The following FANCC variants were observed in gnomAD, a reference collection of about 807,000 sequenced individuals.
FANCC encodes Fanconi anemia group C protein.
In FANCC, 55 loss-of-function variants were observed where a neutral mutation model predicts 71.3. The observed-to-expected ratio is 0.77, with a 90% CI of 0.62 to 0.97. The LOEUF is 0.97. FANCC is among the 50% of genes least tolerant of loss of function. FANCC has a pLI of 0.00. For missense variants in FANCC, 678 were observed against 670.9 expected (o/e 1.01, Z -0.12); for synonymous variants, 275 against 244.9 (o/e 1.12, Z -1.15).
rs527531665 is a variant in FANCC, at chr9:95,111,421, C to G, written c.1329+42G>C. ...TCTCTGCAAGCTCCTCTCAGCCCCC[C>G]AGAGCCCACCCCAAACACATGCAGT... On this transcript the variant is annotated intron_variant, in intron 13 of 14. Transcript: ENST00000289081. 400 of 1,601,964 alleles carry G rather than the reference C, an allele frequency of 2.5e-4. 8 individuals are homozygous for G. In the South Asian group the frequency reaches 4.2e-3, roughly 17 times the overall value.
Position 95,163,494 on chromosome 9 carries a change from G to A in FANCC, c.521+7585C>T, listed in dbSNP as rs1032721580. ...AATAAAAGAAAAACCAAACGCCACT[G>A]ACATTTTGATAGAAATAACACTGGA... On this transcript the variant is annotated intron_variant, in intron 6 of 14. Transcript: ENST00000289081. Among the ~76,000 whole-genome samples, 2 of 152,164 alleles carry A rather than the reference G, an allele frequency of 1.3e-5. 1 individual carries two copies. The highest frequency in any genetic ancestry group is 4.2e-4 in the South Asian group (2 of 4,816).
chr9:95,135,605 T>G, intron 7 of FANCC, 103 bp from the exon 8 acceptor site: 3 of 942,482 alleles, frequency 3.2e-6, no homozygotes, highest in Non-Finnish European at 5.0e-6. Context: ...TTGTGAGACT[T>G]CTCATCATGG....
rs557452728 is a variant in FANCC at position 95,154,376 on chromosome 9, C to G, written c.522-4289G>C. ...AAACACTTTGGAGAACAACTGGTAGCAACGTGCTACCATTTCTTCTTACAG... is the reference window on the plus strand; with the variant it reads ...AAACACTTTGGAGAACAACTGGTAGGAACGTGCTACCATTTCTTCTTACAG... On this transcript the variant is annotated intron_variant, in intron 6 of 14. Transcript: ENST00000289081. Among the ~76,000 whole-genome samples, 108 of 151,634 alleles carry G rather than the reference C, an allele frequency of 7.1e-4. 1 individual carries two copies. The highest frequency in any genetic ancestry group is 7.9e-4 in the Non-Finnish European group (54 of 67,970).
At chr9:95,282,063 T>C (rs1381467163) in intron 1 of FANCC, among the ~76,000 whole-genome samples, 5 of 151,420 alleles carry the variant, frequency 3.3e-5, no homozygotes, top group African/African-American at 1.2e-4. Context: ...AATAATTACT[T>C]TGAATGTAAA....
intron 1 of FANCC, among the ~76,000 whole-genome samples, chr9:95,284,905 A>C (rs200392466): frequency 6.0e-5 from 8 of 134,052 alleles, no homozygotes; most frequent in Non-Finnish European, 1.3e-4. Flanking sequence ...CACACACACA[A>C]ACATACGCAT....
chr9:95,304,087 T>C (rs1281550056), intron 1 of FANCC, among the ~76,000 whole-genome samples: 1 of 152,214 alleles, frequency 6.6e-6, no homozygotes, highest in Non-Finnish European at 1.5e-5. Flanking sequence ...ATTTCCAACC[T>C]GGAATTCTTA....
At chr9:95,154,600 C>T (rs1362406609) in intron 6 of FANCC, among the ~76,000 whole-genome samples, 1 of 152,088 alleles carries the variant, frequency 6.6e-6, no homozygotes. Context: ...ATAAAGATAT[C>T]CACAATACAC....
rs1827537458 is a variant in FANCC, at chr9:95,135,489, G to C, written c.700C>G (p.Leu234Val). Reference sequence around the variant, plus strand: ...AGGCAGACTACAGCTGACATGGGGAGAGAAATCTTCTTCCTTTCAGAAAGA... The same window carrying C: ...AGGCAGACTACAGCTGACATGGGGACAGAAATCTTCTTCCTTTCAGAAAGA... ...NEAILLKKIS[L>V]PMSAVVCLWL... Residue 234 changes from leucine (L) to valine (V), a missense_variant, in exon 8 of 15, where the codon CTC becomes GTC. Coordinates refer to ENST00000289081, the MANE Select transcript of FANCC (RefSeq NM_000136.3). 1 of 1,613,958 alleles carries C rather than the reference G, an allele frequency of 6.2e-7. No homozygotes were observed. The highest frequency in any genetic ancestry group is 8.5e-7 in the Non-Finnish European group (1 of 1,179,966).
chr9:95,106,851 G>T (rs2071489005), intron 14 of FANCC, among the ~76,000 whole-genome samples: 1 of 152,180 alleles, frequency 6.6e-6, no homozygotes, highest in Non-Finnish European at 1.5e-5. Context: ...GGCATCTCCT[G>T]TCTCTGAGCC....
chr9:95,281,798 TAA>T (rs1036378541), intron 1 of FANCC, among the ~76,000 whole-genome samples: 2 of 152,054 alleles, frequency 1.3e-5, no homozygotes, highest in Non-Finnish European at 2.9e-5. Context: ...GGAGTGGAGT[TAA>T]AGAGTATTTT....
chr9:95,111,718 C>A, intron 12 of FANCC, 81 bp from the exon 13 acceptor site: 1 of 1,545,512 alleles, frequency 6.5e-7, no homozygotes, highest in Non-Finnish European at 8.9e-7. Flanking sequence ...TTAACGTTTG[C>A]CAACGGTTGG....
intron 1 of FANCC, chr9:95,292,895 T>C: frequency 6.3e-7 from 1 of 1,583,090 alleles, no homozygotes; most frequent in Non-Finnish European, 8.7e-7. Flanking sequence ...CAGAGGACTG[T>C]GGCAAGACCT....
chr9:95,271,897 C>T (rs980460875), intron 1 of FANCC, among the ~76,000 whole-genome samples: 2 of 147,436 alleles, frequency 1.4e-5, no homozygotes, highest in African/African-American at 5.0e-5. Context: ...ATGGCTCCTT[C>T]CCTCTTCCAT....
chr9:95,283,408 T>C (rs985273066), intron 1 of FANCC, among the ~76,000 whole-genome samples: 6 of 152,216 alleles, frequency 3.9e-5, no homozygotes, highest in Non-Finnish European at 8.8e-5. Context: ...TAGCCTGCCA[T>C]TTCTGCAACA....
At chr9:95,286,461 T>C (rs1001946362) in intron 1 of FANCC, among the ~76,000 whole-genome samples, 1 of 152,254 alleles carries the variant, frequency 6.6e-6, no homozygotes, top group Non-Finnish European at 1.5e-5. Flanking sequence ...ATGACCGGTA[T>C]GATTTATTTA....
At chr9:95,174,893 C>T (rs73532182) in intron 4 of FANCC, among the ~76,000 whole-genome samples, 1,722 of 152,172 alleles carry the variant, frequency 0.011, 31 homozygotes, top group African/African-American at 0.039. Context: ...ACCATTATCA[C>T]GGTGGTCATT....
At chr9:95,172,261 ATC>A in intron 4 of FANCC, 114 bp from the exon 5 acceptor site, 2 of 655,192 alleles carry the variant, frequency 3.1e-6, no homozygotes, top group Non-Finnish European at 5.3e-6. Flanking sequence ...AAACAAAAAA[ATC>A]TGTTTGTCAA....
At chr9:95,145,635 T>C (rs775820397) in intron 7 of FANCC, 10 of 152,186 alleles carry the variant, frequency 6.6e-5, no homozygotes, top group Admixed American at 1.3e-4. Flanking sequence ...TTATTTTGTA[T>C]TGAACACAGT....
intron 6 of FANCC, among the ~76,000 whole-genome samples, chr9:95,152,107 A>C (rs1483056947): frequency 4.6e-5 from 7 of 152,190 alleles, no homozygotes; most frequent in African/African-American, 1.7e-4. Context: ...ATAACTTGTG[A>C]GACAGTAATT....
Sources: allele counts gnomAD v4.1 joint callset (sites outside exome capture counted in the v4.1 genomes callset), GRCh38; gene constraint gnomAD v4.1.1; transcripts MANE v1.5; gene names NCBI Gene and HGNC (gene_info 2026-07-23, HGNC 2026-07-21).